The following EPHB1 variants were observed in gnomAD, a reference collection of about 807,000 sequenced individuals.
EPHB1 encodes the protein EPH receptor B1, also known as ephrin type-B receptor 1.
In EPHB1, 30 loss-of-function variants were observed where a neutral mutation model predicts 94.4. That is an observed-to-expected ratio of 0.32 (90% confidence interval 0.24 to 0.43). The LOEUF is 0.43. EPHB1 is among the 20% of genes least tolerant of loss of function. The pLI, the probability that EPHB1 is intolerant of heterozygous loss-of-function variation, is 1.00. For missense variants in EPHB1, 1,055 were observed against 1,308.3 expected (o/e 0.81, Z 2.99); for synonymous variants, 522 against 489.1 (o/e 1.07, Z -0.89).
In EPHB1 at chr3:134,952,025, G is replaced by A. The variant is rs767087590; in HGVS notation, c.778G>A (p.Glu260Lys). 3 of 1,611,972 alleles carry A rather than the reference G, an allele frequency of 1.9e-6. No individual in the cohort carries two copies. Among genetic ancestry groups the A allele is most frequent in the Non-Finnish European group, 2.5e-6 (3 of 1,178,472 alleles). The stretch of plus-strand genomic sequence containing the variant: ...GCGATGCACCTGCAAGCCTGGCTAT[G>A]AGCCTGAGAACAGCGTGGCATGCAA... Reference protein sequence around the residue: ...IGRCTCKPGYEPENSVACKAC... With the variant: ...IGRCTCKPGYKPENSVACKAC... Residue 260 changes from glutamate to lysine, a missense_variant, in exon 3 of 16, where the codon GAG becomes AAG. Glu to Lys is a moderately conservative substitution (Grantham distance 56). Coordinates refer to ENST00000398015, the MANE Select transcript of EPHB1 (RefSeq NM_004441.5).
At position 135,018,804 on chromosome 3, in the gene EPHB1, C is replaced by T. The variant is rs74485161; in HGVS notation, c.805+66752C>T. ...GAGTGAATGCCGGCCTCATTTCCTCCACAGACCAATTTACTAACATGTTTT... is the reference window on the plus strand; with the variant it reads ...GAGTGAATGCCGGCCTCATTTCCTCTACAGACCAATTTACTAACATGTTTT... On this transcript the variant is annotated intron_variant, in intron 3 of 15. Transcript: ENST00000398015. Among the ~76,000 whole-genome samples, 840 of 152,246 alleles carry T rather than the reference C, an allele frequency of 5.5e-3. 17 individuals are homozygous for T. Among genetic ancestry groups the T allele is most frequent in the Admixed American group, 0.031 (471 of 15,294 alleles).
chr3:135,229,105 A>T (rs952332929), intron 12 of EPHB1, among the ~76,000 whole-genome samples: 40 of 152,212 alleles, frequency 2.6e-4, no homozygotes, highest in African/African-American at 9.2e-4. Context: ...CCTTTGAAGC[A>T]GACTCTGCCC....
chr3:135,142,623 G>A (rs1433936099), intron 5 of EPHB1, among the ~76,000 whole-genome samples: 1 of 152,224 alleles, frequency 6.6e-6, no homozygotes, highest in African/African-American at 2.4e-5. Context: ...ATCTGAGGTT[G>A]TGGTGAGGAA....
At chr3:135,132,603 TG>T in intron 4 of EPHB1, 110 bp from the exon 5 acceptor site, 1 of 896,792 alleles carries the variant, frequency 1.1e-6, no homozygotes, top group Non-Finnish European at 1.7e-6. Context: ...GAGGAAGGAG[TG>T]GGAGGCGAGC....
At chr3:134,928,415 A>G (rs935972533) in intron 2 of EPHB1, among the ~76,000 whole-genome samples, 3 of 152,190 alleles carry the variant, frequency 2.0e-5, no homozygotes, top group African/African-American at 7.2e-5. Flanking sequence ...CAGCCATATT[A>G]TAACCTCCGG....
At chr3:134,892,697 C>A (rs1280217031) in intron 1 of EPHB1, among the ~76,000 whole-genome samples, 1 of 151,936 alleles carries the variant, frequency 6.6e-6, no homozygotes, top group Admixed American at 6.5e-5. Flanking sequence ...ATTTTTATTT[C>A]TTTTCTGACT....
intron 1 of EPHB1, among the ~76,000 whole-genome samples, chr3:134,849,878 G>A (rs941113069): frequency 6.6e-6 from 1 of 152,132 alleles, no homozygotes; most frequent in African/African-American, 2.4e-5. Context: ...GGCTGGGCTG[G>A]GGGGATATGC....
At chr3:134,876,452 C>G (rs2037618526) in intron 1 of EPHB1, among the ~76,000 whole-genome samples, 1 of 152,236 alleles carries the variant, frequency 6.6e-6, no homozygotes, top group Admixed American at 6.5e-5. Context: ...CTTTCTGACA[C>G]TGCTGGATCC....
chr3:135,122,692 C>A (rs1202113712), intron 4 of EPHB1, among the ~76,000 whole-genome samples: 4 of 152,168 alleles, frequency 2.6e-5, no homozygotes, highest in African/African-American at 9.7e-5. Flanking sequence ...TCTCTTTTCC[C>A]AGAATGTATA....
rs7624053 is a variant in EPHB1 at position 135,005,208 on chromosome 3, G to A, written c.805+53156G>A. ...GACCCTCAGCTGCAGGTCTGTTGGA[G>A]TACCCTGCAGTGTGAAGTGTCAGTG... On this transcript the variant is annotated intron_variant, in intron 3 of 15. Transcript: ENST00000398015. Among the ~76,000 whole-genome samples the A allele has an allele frequency of 8.3e-3, 1,266 of 152,292 alleles. 16 individuals are homozygous for A. Among genetic ancestry groups the A allele is most frequent in the African/African-American group, 0.029 (1,194 of 41,550 alleles).
intron 4 of EPHB1, among the ~76,000 whole-genome samples, chr3:135,122,757 G>A (rs1175133883): frequency 6.6e-6 from 1 of 152,184 alleles, no homozygotes; most frequent in Non-Finnish European, 1.5e-5. Context: ...GAAACAATAA[G>A]TACTTTCTAC....
intron 3 of EPHB1, among the ~76,000 whole-genome samples, chr3:135,034,247 A>T (rs1936576522): frequency 6.6e-6 from 1 of 152,216 alleles, no homozygotes; most frequent in African/African-American, 2.4e-5. Flanking sequence ...GCAAAGATAT[A>T]TTGACACAAT....
intron 1 of EPHB1, among the ~76,000 whole-genome samples, chr3:134,856,838 A>G (rs952681620): frequency 6.6e-6 from 1 of 152,256 alleles, no homozygotes; most frequent in Non-Finnish European, 1.5e-5. Flanking sequence ...TGACTAAAAA[A>G]TTTTAAATCA....
chr3:135,075,583 G>T (rs1937880923), intron 3 of EPHB1, among the ~76,000 whole-genome samples: 1 of 152,144 alleles, frequency 6.6e-6, no homozygotes, highest in African/African-American at 2.4e-5. Flanking sequence ...GGAGCTGATG[G>T]GCTTTGTGCT....
chr3:134,872,345 C>T (rs915930862), intron 1 of EPHB1, among the ~76,000 whole-genome samples: 1 of 152,172 alleles, frequency 6.6e-6, no homozygotes, highest in African/African-American at 2.4e-5. Flanking sequence ...GAGGGAGAGG[C>T]CCTTTGTGAG....
intron 12 of EPHB1, among the ~76,000 whole-genome samples, chr3:135,215,871 A>G (rs920698276): frequency 3.3e-5 from 5 of 152,318 alleles, no homozygotes; most frequent in African/African-American, 9.6e-5. Context: ...GGCCACTTGA[A>G]AAACCTCTTC....
intron 13 of EPHB1, among the ~76,000 whole-genome samples, chr3:135,245,747 A>C (rs902227019): frequency 1.6e-4 from 23 of 142,016 alleles, no homozygotes; most frequent in African/African-American, 6.0e-4. Context: ...TGGAGGTTGC[A>C]GTGATCTGAG....
intron 1 of EPHB1, among the ~76,000 whole-genome samples, chr3:134,812,823 A>C (rs1429595620): frequency 6.6e-6 from 1 of 152,090 alleles, no homozygotes; most frequent in Non-Finnish European, 1.5e-5. Context: ...ATGGCATCTC[A>C]TTGTTTGTTT....
rs116870456 is a variant in EPHB1, at chr3:135,113,168, C to T, written c.961+6565C>T. Among the ~76,000 whole-genome samples the T allele has an allele frequency of 6.8e-4, 103 of 152,288 alleles. 3 individuals are homozygous for T. In the East Asian group the frequency reaches 0.011, roughly 17 times the overall value. On this transcript the variant is annotated intron_variant, in intron 4 of 15. Coordinates refer to ENST00000398015, the MANE Select transcript of EPHB1 (RefSeq NM_004441.5). The stretch of plus-strand genomic sequence containing the variant: ...TGGGTCCCCGCCCCATGCTGGCCCC[C>T]GCCCCATGCTGGTAGATGGTCTATA...
Sources: gnomAD v4.1 joint callset for allele counts (sites outside exome capture counted in the v4.1 genomes callset) on GRCh38, gnomAD v4.1.1 for gene constraint, MANE v1.5 for transcripts, NCBI Gene and HGNC (gene_info 2026-07-23, HGNC 2026-07-21) for gene names.